Variants in SHISA9 observed in about 807,000 individuals in gnomAD.
SHISA9 encodes protein shisa-9.
A neutral mutation model predicts 38.0 loss-of-function variants in SHISA9; 13 were observed. The ratio of observed to expected loss-of-function variants is 0.34; its 90% confidence interval spans 0.22 to 0.54. The LOEUF is 0.54. SHISA9 is among the 20% of genes least tolerant of loss of function. SHISA9 has a pLI of 0.91. For missense variants in SHISA9, 538 were observed against 575.8 expected (o/e 0.93, Z 0.67); for synonymous variants, 275 against 242.0 (o/e 1.14, Z -1.27).
the SHISA9 span, among the ~76,000 whole-genome samples, chr16:13,281,736 CT>C: frequency 1.3e-5 from 2 of 151,260 alleles, no homozygotes; most frequent in Non-Finnish European, 3.0e-5. Context: ...TCATATTGTA[CT>C]TTTTTATATT....
chr16:13,417,923 C>A, the SHISA9 span, among the ~76,000 whole-genome samples: 3 of 152,188 alleles, frequency 2.0e-5, no homozygotes, highest in Admixed American at 6.5e-5. Context: ...TTTTTGAAAT[C>A]TCTTGGGAAG....
chr16:13,439,233 C>T, the SHISA9 span, among the ~76,000 whole-genome samples: 866 of 152,136 alleles, frequency 5.7e-3, 4 homozygotes, highest in Non-Finnish European at 8.6e-3. Flanking sequence ...GGGAGAAGGA[C>T]GTGGGGAGAT....
chr16:13,003,813 G>A (rs1035282795), intron 2 of SHISA9, among the ~76,000 whole-genome samples: 1 of 151,932 alleles, frequency 6.6e-6, no homozygotes, highest in Non-Finnish European at 1.5e-5. Flanking sequence ...AGCCGAGATC[G>A]CGCCACTGCA....
downstream of SHISA9, among the ~76,000 whole-genome samples, chr16:13,242,185 GTGGTAGAAC>G (rs2051440167): frequency 2.0e-5 from 3 of 152,220 alleles, no homozygotes; most frequent in Non-Finnish European, 4.4e-5. Flanking sequence ...CAACTAGTAA[GTGGTAGAAC>G]TGGGATTTGA....
chr16:13,419,978 G>A, the SHISA9 span, among the ~76,000 whole-genome samples: 4 of 152,126 alleles, frequency 2.6e-5, no homozygotes, highest in Non-Finnish European at 5.9e-5. Context: ...GGGCACAGTG[G>A]CTCATGGCTA....
intron 2 of SHISA9, among the ~76,000 whole-genome samples, chr16:13,022,903 G>C (rs1000443994): frequency 6.6e-6 from 1 of 152,146 alleles, no homozygotes; most frequent in Non-Finnish European, 1.5e-5. Flanking sequence ...TGCCTTACTT[G>C]TATAAGGACA....
chr16:13,439,771 T>G, the SHISA9 span, among the ~76,000 whole-genome samples: 1 of 152,172 alleles, frequency 6.6e-6, no homozygotes, highest in Non-Finnish European at 1.5e-5. Context: ...GCTGCCAGCG[T>G]GTGAAAACCA....
At chr16:13,513,421 A>G in the SHISA9 span, among the ~76,000 whole-genome samples, 1 of 152,244 alleles carries the variant, frequency 6.6e-6, no homozygotes, top group African/African-American at 2.4e-5. Context: ...ATTGTCAAAG[A>G]CAGCGCAGCA....
chr16:12,959,332 G>C (rs12325406), intron 2 of SHISA9, among the ~76,000 whole-genome samples: 4,760 of 152,266 alleles, frequency 0.031, 257 homozygotes, highest in African/African-American at 0.11. Context: ...AGATCCATTA[G>C]CTAATTTATT....
chr16:13,322,572 G>A, the SHISA9 span, among the ~76,000 whole-genome samples: 1 of 152,116 alleles, frequency 6.6e-6, no homozygotes, highest in Non-Finnish European at 1.5e-5. Flanking sequence ...GTGCTAAGGA[G>A]GCTAGTCAAG....
Position 13,037,109 on chromosome 16 carries a change from GACACACACACACACACAC to G in SHISA9, c.691+120325_691+120342del, listed in dbSNP as rs1207707042. 8.6e-4 allele frequency among the ~76,000 whole-genome samples: 91 copies of G among 105,210 alleles called. 1 individual carries two copies. The highest frequency in any genetic ancestry group is 1.4e-3 in the Non-Finnish European group (72 of 50,854). 69.0% of individuals were successfully genotyped at this position (105,210 alleles called of 152,430 possible). On this transcript the variant is annotated intron_variant, in intron 2 of 4. Transcript: ENST00000558583. Reference sequence around the variant, plus strand: ...CACACCACACACACACACACACACAGACACACACACACACACACACACACACACACACACACACACACA... The same window carrying G: ...CACACCACACACACACACACACACAGACACACACACACACACACACACACA...
intron 2 of SHISA9, among the ~76,000 whole-genome samples, chr16:12,983,608 C>T (rs952302962): frequency 6.6e-6 from 1 of 152,176 alleles, no homozygotes; most frequent in Non-Finnish European, 1.5e-5. Flanking sequence ...TCTGCCTCAA[C>T]CTCCCAAGTA....
At position 13,235,594 on chromosome 16, in the gene SHISA9, C is replaced by T. The variant is rs1049577061; in HGVS notation, c.*185C>T. On this transcript the variant is annotated 3_prime_UTR_variant, in exon 5 of 5. Transcript: ENST00000558583. Reference sequence around the variant, plus strand: ...TTCCTAGGTCATGCCTGTAACGTGTCGGCGGGCAGCTGAGAAAGACCGAAG... The same window carrying T: ...TTCCTAGGTCATGCCTGTAACGTGTTGGCGGGCAGCTGAGAAAGACCGAAG... 1.8e-5 allele frequency: 13 copies of T among 719,416 alleles called. No homozygotes were observed. The highest frequency in any genetic ancestry group is 3.6e-5 in the African/African-American group (2 of 56,080). 44.6% of individuals were successfully genotyped at this position (719,416 alleles called of 1,614,324 possible). A position where few individuals can be genotyped will look rare whatever the true frequency, so the allele number is the denominator to read the frequency against.
intron 4 of SHISA9, among the ~76,000 whole-genome samples, chr16:13,215,191 C>T (rs2051156847): frequency 6.6e-6 from 1 of 152,132 alleles, no homozygotes; most frequent in Non-Finnish European, 1.5e-5. Context: ...ACGTTGTAAC[C>T]AGCTTGAGCA....
chr16:13,495,639 C>T, the SHISA9 span, among the ~76,000 whole-genome samples: 3 of 151,424 alleles, frequency 2.0e-5, no homozygotes, highest in Non-Finnish European at 4.4e-5. Flanking sequence ...CTTATCATTT[C>T]TGATTTTAAA....
the SHISA9 span, among the ~76,000 whole-genome samples, chr16:13,506,014 C>A: frequency 1.3e-5 from 2 of 152,166 alleles, no homozygotes; most frequent in African/African-American, 4.8e-5. Context: ...ATATCTAGGT[C>A]CCTCTCAGAG....
At chr16:13,217,224 G>T (rs539566138) in intron 4 of SHISA9, among the ~76,000 whole-genome samples, 1 of 152,216 alleles carries the variant, frequency 6.6e-6, no homozygotes, top group South Asian at 2.1e-4. Flanking sequence ...CTTGCAGTGA[G>T]CAGAGATCTT....
intron 2 of SHISA9, among the ~76,000 whole-genome samples, chr16:13,013,774 C>T (rs1404092151): frequency 6.6e-6 from 1 of 152,096 alleles, no homozygotes; most frequent in Admixed American, 6.5e-5. Context: ...GTCGCCCAGG[C>T]TGGAGTGCAG....
intron 2 of SHISA9, among the ~76,000 whole-genome samples, chr16:13,153,754 C>T (rs1438252124): frequency 6.6e-6 from 1 of 152,126 alleles, no homozygotes; most frequent in Non-Finnish European, 1.5e-5. Flanking sequence ...TTGATGATCG[C>T]TCATTTTGAT....
Sources: gnomAD v4.1 joint callset for allele counts (sites outside exome capture counted in the v4.1 genomes callset) on GRCh38, gnomAD v4.1.1 for gene constraint, MANE v1.5 for transcripts, NCBI Gene and HGNC (gene_info 2026-07-23, HGNC 2026-07-21) for gene names.